Variants in XPOT observed in about 807,000 individuals in gnomAD.
XPOT encodes the protein exportin-T.
In XPOT, 34 loss-of-function variants were observed where a neutral mutation model predicts 128.2. The observed-to-expected ratio is 0.27, with a 90% CI of 0.20 to 0.35. The LOEUF is 0.35. XPOT is among the 10% of genes least tolerant of loss of function. The pLI is 1.00. For missense variants in XPOT, 838 were observed against 1,125.3 expected, an observed-to-expected ratio of 0.74 and a Z score of 3.65; for synonymous variants, 348 against 394.3, an observed-to-expected ratio of 0.88 and a Z score of 1.39.
intron 23 of XPOT, chr12:64,443,219 A>G (rs1383868140): frequency 2.0e-5 from 3 of 152,194 alleles, no homozygotes; most frequent in Admixed American, 2.0e-4. Context: ...CCAGCTCCCC[A>G]TGTGTGTTAT....
chr12:64,435,829 G>C (rs925931318), intron 22 of XPOT, among the ~76,000 whole-genome samples, 155 bp downstream of exon 22: 6 of 152,090 alleles, frequency 3.9e-5, no homozygotes, highest in Non-Finnish European at 8.8e-5. Context: ...TCCATTTATT[G>C]TCCTTCATGT....
rs1441481895 is a variant in XPOT at position 64,425,357 on chromosome 12, GT to G, written c.1474del (p.Ser492ProfsTer7). Reference sequence around the variant, plus strand: ...ATCTAGCTGGTAACATCAGGAGTCAGTTCCTATCAGCATACATCTGTGACAT... The same window carrying G: ...ATCTAGCTGGTAACATCAGGAGTCAGTCCTATCAGCATACATCTGTGACAT... ...MMRTLVTSGV[S>X]SYQHTSVTLE... On this transcript the variant is annotated frameshift_variant, in exon 14 of 25. Coordinates refer to ENST00000332707, the MANE Select transcript of XPOT (RefSeq NM_007235.6). LOFTEE classifies it high-confidence loss of function. 2 of 1,613,124 alleles carry G rather than the reference GT, an allele frequency of 1.2e-6. No individual in the cohort carries two copies. The highest frequency in any genetic ancestry group is 8.5e-7 in the Non-Finnish European group (1 of 1,179,966).
intron 1 of XPOT, among the ~76,000 whole-genome samples, chr12:64,407,643 GACAGCAGGGGTTA>G (rs2039995300): frequency 6.6e-6 from 1 of 152,126 alleles, no homozygotes; most frequent in Non-Finnish European, 1.5e-5. Context: ...AATTTCAAAG[GACAGCAGGGGTTA>G]ACCTACTAAC....
chr12:64,409,773 G>A (rs2040020647), intron 1 of XPOT, 189 bp from the exon 2 acceptor site: 2 of 427,360 alleles, frequency 4.7e-6, no homozygotes, highest in South Asian at 7.5e-5. Flanking sequence ...ACACATTAGT[G>A]GAGTAGTTAG....
At chr12:64,405,729 C>T (rs2039974524) in intron 1 of XPOT, among the ~76,000 whole-genome samples, 1 of 152,142 alleles carries the variant, frequency 6.6e-6, no homozygotes, top group South Asian at 2.1e-4. Flanking sequence ...AGTGATTCTG[C>T]AGCCTCAGCC....
chr12:64,416,686 T>C lies in XPOT; in HGVS notation c.144-12T>C, dbSNP rs1275289781. 2 of 1,608,892 alleles carry C rather than the reference T, an allele frequency of 1.2e-6. No homozygotes were observed. Among genetic ancestry groups the C allele is most frequent in the South Asian group, 2.2e-5 (2 of 90,766 alleles). On this transcript the variant is annotated splice_polypyrimidine_tract_variant and intron_variant, in intron 3 of 24. Coordinates refer to ENST00000332707, the MANE Select transcript of XPOT (RefSeq NM_007235.6). ...TATTCTGCTTATCTCATTTTCTTTT[T>C]TTCTTTTTCAGTGATGATCATGTGA...
chr12:64,416,621 C>T (rs2040089907), intron 3 of XPOT, 77 bp from the exon 4 acceptor site: 1 of 1,187,100 alleles, frequency 8.4e-7, no homozygotes, highest in South Asian at 1.3e-5. Context: ...TGCTGTATTA[C>T]TCATTACTAT....
chr12:64,408,997 A>G (rs539257389), intron 1 of XPOT, among the ~76,000 whole-genome samples: 1 of 146,516 alleles, frequency 6.8e-6, no homozygotes, highest in East Asian at 2.2e-4. Context: ...TGTATCTACT[A>G]TTGAAAAACT....
chr12:64,448,216 G>C lies in XPOT; in HGVS notation c.*85G>C. 7.6e-7 allele frequency: 1 copy of C among 1,309,746 alleles called. No homozygotes were observed. Among genetic ancestry groups the C allele is most frequent in the South Asian group, 1.2e-5 (1 of 84,782 alleles). The allele number at this position is 1,309,746 out of a possible 1,614,324, so 81.1% of individuals were successfully genotyped here. On this transcript the variant is annotated 3_prime_UTR_variant, in exon 25 of 25. Coordinates refer to ENST00000332707, the MANE Select transcript of XPOT (RefSeq NM_007235.6). ...CGATTTTTGTGTGCCATTCACACTG[G>C]TCTTTTTCACATTGTTTTGAGCTTA... is the stretch of plus-strand genomic sequence containing the variant.
rs752235717 is a variant in XPOT at position 64,434,493 on chromosome 12, G to A, written c.2453-14G>A. The A allele has an allele frequency of 5.0e-6, 8 of 1,592,766 alleles. No homozygotes were observed. The South Asian group carries it at 6.7e-5, about 13-fold the overall frequency. On this transcript the variant is annotated splice_polypyrimidine_tract_variant and intron_variant, in intron 19 of 24. Transcript: ENST00000332707. ...ATTTTGGAAATTGCTTAAACTAAAGGTTTTTCTCCTCAGGTGCAGAGAATG... is the reference window on the plus strand; with the variant it reads ...ATTTTGGAAATTGCTTAAACTAAAGATTTTTCTCCTCAGGTGCAGAGAATG...
At chr12:64,428,959 C>G (rs2040215016) in intron 16 of XPOT, among the ~76,000 whole-genome samples, 1 of 152,182 alleles carries the variant, frequency 6.6e-6, no homozygotes, top group Non-Finnish European at 1.5e-5. Flanking sequence ...GTGTGCCACT[C>G]TGCTTTATAA....
intron 24 of XPOT, among the ~76,000 whole-genome samples, chr12:64,447,561 C>G (rs1330918403): frequency 6.6e-6 from 1 of 152,096 alleles, no homozygotes; most frequent in Non-Finnish European, 1.5e-5. Context: ...TCACCACAAC[C>G]TCTGCCTCCC....
intron 1 of XPOT, among the ~76,000 whole-genome samples, chr12:64,408,165 A>G (rs1200164362): frequency 6.6e-6 from 1 of 152,148 alleles, no homozygotes; most frequent in Non-Finnish European, 1.5e-5. Context: ...GCTGGAGTGC[A>G]GTGGCGTGAT....
intron 23 of XPOT, among the ~76,000 whole-genome samples, chr12:64,444,749 C>G (rs1381331997): frequency 6.6e-6 from 1 of 152,018 alleles, no homozygotes; most frequent in African/African-American, 2.4e-5. Context: ...GTAGTTAATG[C>G]TTACTGTACT....
chr12:64,440,771 T>C (rs991918785), intron 23 of XPOT, among the ~76,000 whole-genome samples: 2 of 152,192 alleles, frequency 1.3e-5, no homozygotes, highest in African/African-American at 4.8e-5. Context: ...TCTATTCAAG[T>C]CTTTACCCCA....
Position 64,425,033 on chromosome 12 carries a change from G to T in XPOT, c.1308-5G>T, listed in dbSNP as rs1027845800. ...AAATCTCACTGACATATTATACCTT[G>T]GTAGGAATTGGCAGACTACACGGTT... On this transcript the variant is annotated splice_region_variant and splice_polypyrimidine_tract_variant and intron_variant, in intron 12 of 24. Transcript: ENST00000332707. The T allele has an allele frequency of 8.7e-6, 14 of 1,612,078 alleles. No individual in the cohort carries two copies. Among genetic ancestry groups the T allele is most frequent in the Non-Finnish European group, 1.2e-5 (14 of 1,179,946 alleles).
intron 24 of XPOT, among the ~76,000 whole-genome samples, chr12:64,446,138 CCT>C (rs1220053018): frequency 2.0e-5 from 3 of 152,124 alleles, no homozygotes; most frequent in Non-Finnish European, 4.4e-5. Flanking sequence ...AGGAGTAACC[CCT>C]GTTAAATAAC....
intron 6 of XPOT, 150 bp downstream of exon 6, chr12:64,419,244 T>C: frequency 1.6e-6 from 1 of 621,030 alleles, no homozygotes; most frequent in Non-Finnish European, 2.6e-6. Context: ...TTGGATTTTA[T>C]TTTATGAAGG....
intron 16 of XPOT, 87 bp from the exon 17 acceptor site, chr12:64,429,962 A>T: frequency 8.2e-7 from 1 of 1,221,422 alleles, no homozygotes; most frequent in Non-Finnish European, 1.1e-6. Context: ...GTGATAGATT[A>T]CATTTCCTGT....
Sources: allele counts gnomAD v4.1 joint callset (sites outside exome capture counted in the v4.1 genomes callset), GRCh38; gene constraint gnomAD v4.1.1; transcripts MANE v1.5; gene names NCBI Gene and HGNC (gene_info 2026-07-23, HGNC 2026-07-21).